The following CYP11B1 variants were observed in gnomAD, a reference collection of about 807,000 sequenced individuals.
CYP11B1 encodes the protein cytochrome P450 11B1, mitochondrial.
CYP11B1 carries 34 observed loss-of-function variants against 48.3 expected under a neutral mutation model. That is an observed-to-expected ratio of 0.70 (90% CI 0.54 to 0.94). CYP11B1 has a LOEUF of 0.94. CYP11B1 is among the 40% of genes least tolerant of loss of function. CYP11B1 has a pLI of 0.00. For synonymous variants in CYP11B1, 291 were observed against 262.5 expected (o/e 1.11, Z -1.05); for missense variants, 688 against 657.4 (o/e 1.05, Z -0.51).
At chr8:142,879,429 A>G (rs1450201445) in intron 1 of CYP11B1, 146 bp downstream of exon 1, 10 of 1,613,428 alleles carry the variant, frequency 6.2e-6, no homozygotes, top group Non-Finnish European at 8.5e-6. Flanking sequence ...GCCACAGACC[A>G]GCACGTGCTG....
chr8:142,874,368 C>G lies in CYP11B1; in HGVS notation c.*5G>C. 6.2e-7 allele frequency: 1 copy of G among 1,605,212 alleles called. No individual in the cohort carries two copies. Among genetic ancestry groups the G allele is most frequent in the Non-Finnish European group, 8.5e-7 (1 of 1,171,984 alleles). On this transcript the variant is annotated 3_prime_UTR_variant, in exon 9 of 9. Transcript: ENST00000292427. ...CAGGCTGGGACCCTGGGTGCAGAGA[C>G]GTGATTAGTTGATGGCTCTGAAGGT...
Position 142,873,648 on chromosome 8 carries a change from A to AG in CYP11B1, c.*724dup, listed in dbSNP as rs1182608609. The AG allele has an allele frequency of 6.5e-6, 1 of 152,724 alleles. No homozygotes were observed. The highest frequency in any genetic ancestry group is 2.4e-5 in the African/African-American group (1 of 41,374). 9.5% of individuals were successfully genotyped at this position (152,724 alleles called of 1,614,324 possible). A position where few individuals can be genotyped will look rare whatever the true frequency, so the allele number is the denominator to read the frequency against. On this transcript the variant is annotated 3_prime_UTR_variant, in exon 9 of 9. Coordinates refer to ENST00000292427, the MANE Select transcript of CYP11B1 (RefSeq NM_000497.4). ...TGACAGCATCCTCGGGACCTTCCCCAGGGGACAGCACAGGAAGCAGAGGAC... is the reference window on the plus strand; with the variant it reads ...TGACAGCATCCTCGGGACCTTCCCCAGGGGGACAGCACAGGAAGCAGAGGAC...
At chr8:142,878,974 G>A (rs537178555) in intron 2 of CYP11B1, 58 bp downstream of exon 2, 52 of 1,601,026 alleles carry the variant, frequency 3.2e-5, no homozygotes, top group African/African-American at 1.5e-4. Context: ...TGCCTCTCTC[G>A]CCTCCCCCCT....
At chr8:142,878,402 G>C (rs1318036019) in intron 2 of CYP11B1, among the ~76,000 whole-genome samples, 1 of 152,184 alleles carries the variant, frequency 6.6e-6, no homozygotes, top group Admixed American at 6.5e-5. Context: ...GCAGGTGACT[G>C]ACTCCAAGCA....
intron 2 of CYP11B1, among the ~76,000 whole-genome samples, chr8:142,878,726 TC>T (rs781102756): frequency 4.5e-4 from 68 of 152,194 alleles, no homozygotes; most frequent in Middle Eastern, 3.4e-3. Flanking sequence ...GGAAGGACAG[TC>T]CCCAGACCGC....
intron 5 of CYP11B1, 71 bp downstream of exon 5, chr8:142,876,170 C>T: frequency 1.2e-6 from 2 of 1,604,122 alleles, no homozygotes; most frequent in Middle Eastern, 1.8e-4. Flanking sequence ...CGCCGTGTGA[C>T]ATTGGCAGGC....
Position 142,877,117 on chromosome 8 carries a change from G to A in CYP11B1, c.501C>T (p.Asp167=), listed in dbSNP as rs772626525. 8.1e-6 allele frequency: 13 copies of A among 1,614,070 alleles called. No homozygotes were observed. Among genetic ancestry groups the A allele is most frequent in the Non-Finnish European group, 9.3e-6 (11 of 1,179,946 alleles). ...CCTTCTTCTTCAGGGCCTGGGAGAA[G>A]TCCCTGGCCACTGCATCCACCATCG... ...FLPMVDAVAR[D]FSQALKKKVL... The change falls in exon 3 of 9, where the codon GAC becomes GAT. Residue 167 remains aspartate, a synonymous_variant. Transcript: ENST00000292427.
At position 142,874,937 on chromosome 8, in the gene CYP11B1, C is replaced by T; in HGVS notation, c.1398+20G>A. 1.9e-6 allele frequency: 3 copies of T among 1,611,920 alleles called. No homozygotes were observed. The highest frequency in any genetic ancestry group is 1.1e-5 in the South Asian group (1 of 90,998). On this transcript the variant is annotated intron_variant, in intron 8 of 8. Transcript: ENST00000292427. Reference sequence around the variant, plus strand: ...TGCCCAGACCCCGCCCAGGCCCCTCCCCAGCCCGGGCCTGCTCACATGGTG... The same window carrying T: ...TGCCCAGACCCCGCCCAGGCCCCTCTCCAGCCCGGGCCTGCTCACATGGTG...
Position 142,877,076 on chromosome 8 carries a change from C to G in CYP11B1, c.542G>C (p.Arg181Pro), listed in dbSNP as rs146105017. The stretch of plus-strand genomic sequence containing the variant: ...CTGGACGTCCAGGGTCAGGCTCCCC[C>G]GGGCGTTCTGCAGCACCTTCTTCTT... The part of the protein sequence containing the change: ...ALKKKVLQNA[R>P]GSLTLDVQPS... The change falls in exon 3 of 9, where the codon CGG becomes CCG. Residue 181 changes from arginine to proline, a missense_variant. By Grantham distance (103) the Arg-to-Pro change is moderately radical. Coordinates refer to ENST00000292427, the MANE Select transcript of CYP11B1 (RefSeq NM_000497.4). 3.5e-4 allele frequency: 567 copies of G among 1,613,722 alleles called. No homozygotes were observed. The highest frequency in any genetic ancestry group is 4.1e-4 in the Non-Finnish European group (488 of 1,179,932).
At chr8:142,877,820 C>T in intron 2 of CYP11B1, 1 of 1,595,756 alleles carries the variant, frequency 6.3e-7, no homozygotes, top group Non-Finnish European at 8.5e-7. Context: ...GGAATTTCCC[C>T]TGTCAGCCAC....
At chr8:142,877,803 G>T in intron 2 of CYP11B1, 2 of 1,594,660 alleles carry the variant, frequency 1.3e-6, no homozygotes, top group East Asian at 2.2e-5. Flanking sequence ...CCAGGGAATG[G>T]TGGGGAGGAA....
rs1282647051 is a variant in CYP11B1, at chr8:142,879,495, A to G, written c.239+80T>C. 2.5e-6 allele frequency: 4 copies of G among 1,614,046 alleles called. No individual in the cohort carries two copies. In the Admixed American group the frequency reaches 5.0e-5, roughly 20 times the overall value. The stretch of plus-strand genomic sequence containing the variant: ...AGTGCCGGGACCTGCTGGGAATGGC[A>G]GTGCTGAGTGCCCGGCAGGGTCCTG... On this transcript the variant is annotated intron_variant, in intron 1 of 8. Transcript: ENST00000292427.
chr8:142,878,164 C>T (rs1276913245), intron 2 of CYP11B1, among the ~76,000 whole-genome samples: 1 of 152,184 alleles, frequency 6.6e-6, no homozygotes, highest in Non-Finnish European at 1.5e-5. Context: ...GGTGCGCTCC[C>T]CTTCCTTCCG....
chr8:142,874,249 T>C lies in CYP11B1; in HGVS notation c.*124A>G. ...AGGCCCTCGGGAGTTCCATTTGTGC[T>C]GGGGCTGGTTAGACAGAGGGGTGAC... On this transcript the variant is annotated 3_prime_UTR_variant, in exon 9 of 9. Transcript: ENST00000292427. 1 of 761,010 alleles carries C rather than the reference T, an allele frequency of 1.3e-6. No individual in the cohort carries two copies. Among genetic ancestry groups the C allele is most frequent in the Non-Finnish European group, 2.4e-6 (1 of 418,280 alleles). 47.1% of individuals were successfully genotyped at this position (761,010 alleles called of 1,614,324 possible). A position where few individuals can be genotyped will look rare whatever the true frequency, so the allele number is the denominator to read the frequency against.
chr8:142,876,834 G>A lies in CYP11B1; in HGVS notation c.647C>T (p.Pro216Leu), dbSNP rs758976042. The A allele has an allele frequency of 3.3e-5, 53 of 1,613,990 alleles. No homozygotes were observed. The highest frequency in any genetic ancestry group is 4.2e-5 in the Non-Finnish European group (50 of 1,180,036). ...GAGGAAGTTCAGGCTGGCAGAACTG[G>A]GGCTGTGGCCAACCAGGCCCAGCCG... is the stretch of plus-strand genomic sequence containing the variant. ...GERLGLVGHS[P>L]SSASLNFLHA... The change falls in exon 4 of 9, where the codon CCC becomes CTC. Residue 216 changes from proline (P) to leucine (L), a missense_variant. Transcript: ENST00000292427.
chr8:142,877,696 GT>G (rs1283442004), intron 2 of CYP11B1: 1 of 1,541,930 alleles, frequency 6.5e-7, no homozygotes, highest in Non-Finnish European at 8.8e-7. Flanking sequence ...AGCAGCCCCA[GT>G]GAAGTGTCTG....
chr8:142,878,092 T>TG (rs1817018863), intron 2 of CYP11B1, among the ~76,000 whole-genome samples: 4 of 151,918 alleles, frequency 2.6e-5, no homozygotes, highest in African/African-American at 9.7e-5. Flanking sequence ...ACACAACACG[T>TG]GCAAATGCAG....
intron 2 of CYP11B1, among the ~76,000 whole-genome samples, chr8:142,878,211 G>A (rs1817023665): frequency 6.6e-6 from 1 of 152,152 alleles, no homozygotes; most frequent in Admixed American, 6.5e-5. Context: ...GCCTTCCTGG[G>A]TCCTGACTCC....
rs941118843 is a variant in CYP11B1, at chr8:142,873,058, G to A, written c.*1315C>T. 6.6e-6 allele frequency: 1 copy of A among 152,206 alleles called. No individual in the cohort carries two copies. Among genetic ancestry groups the A allele is most frequent in the African/African-American group, 2.4e-5 (1 of 41,424 alleles). 9.4% of individuals were successfully genotyped at this position (152,206 alleles called of 1,614,324 possible). ...ATGTTTGTCAGCAACCCAGTCTATG[G>A]CGTTTTCTTAGAGCATCCTGAATAG... On this transcript the variant is annotated 3_prime_UTR_variant, in exon 9 of 9. Transcript: ENST00000292427.
Sources: allele counts gnomAD v4.1 joint callset (sites outside exome capture counted in the v4.1 genomes callset), GRCh38; gene constraint gnomAD v4.1.1; transcripts MANE v1.5; gene names NCBI Gene and HGNC (gene_info 2026-07-23, HGNC 2026-07-21).